The following BTBD9 variants were observed in gnomAD, a reference collection of about 807,000 sequenced individuals.
BTBD9 encodes BTB/POZ domain-containing protein 9.
In BTBD9, 49 loss-of-function variants were observed where a neutral mutation model predicts 64.3. The observed-to-expected ratio is 0.76, with a 90% CI of 0.61 to 0.97. The LOEUF (loss-of-function observed/expected upper bound fraction) is 0.97, where lower values mean the gene tolerates loss of function less well. Among genes scored for constraint, BTBD9 ranks in the 50% least tolerant of loss-of-function variants. BTBD9 has a pLI of 0.00. For synonymous variants in BTBD9, 260 were observed against 274.7 expected (o/e 0.95, Z 0.53); for missense variants, 598 against 762.1 (o/e 0.78, Z 2.53).
intron 9 of BTBD9, among the ~76,000 whole-genome samples, chr6:38,218,611 C>A (rs1763091239): frequency 6.6e-6 from 1 of 152,172 alleles, no homozygotes. Flanking sequence ...GTAGGTGTGG[C>A]CCATGTCCAG....
rs146777588 is a variant in BTBD9 at position 38,315,451 on chromosome 6, G to A, written c.1265-26990C>T. Among the ~76,000 whole-genome samples, 184 of 151,224 alleles carry A rather than the reference G, an allele frequency of 1.2e-3. 1 individual carries two copies. Among genetic ancestry groups the A allele is most frequent in the African/African-American group, 4.0e-3 (167 of 41,278 alleles). On this transcript the variant is annotated intron_variant, in intron 7 of 10. Coordinates refer to ENST00000481247, the MANE Select transcript of BTBD9 (RefSeq NM_001099272.2). ...AAACTTCTCTTTTAGTACCGCTTTCGCTGTATCCCACAGTTTTGGTTTTTT... is the reference window on the plus strand; with the variant it reads ...AAACTTCTCTTTTAGTACCGCTTTCACTGTATCCCACAGTTTTGGTTTTTT...
chr6:38,448,708 G>T (rs927712619), intron 6 of BTBD9, among the ~76,000 whole-genome samples: 2 of 152,148 alleles, frequency 1.3e-5, no homozygotes, highest in Non-Finnish European at 2.9e-5. Flanking sequence ...AGTAGAGACG[G>T]GGTTTTGCCA....
intron 6 of BTBD9, among the ~76,000 whole-genome samples, chr6:38,536,955 A>G (rs1774046404): frequency 6.6e-6 from 1 of 152,134 alleles, no homozygotes; most frequent in African/African-American, 2.4e-5. Context: ...ACATTTTAAA[A>G]TGGCTAAAAG....
intron 6 of BTBD9, among the ~76,000 whole-genome samples, chr6:38,358,378 T>G (rs913705107): frequency 1.3e-5 from 2 of 152,178 alleles, no homozygotes; most frequent in Non-Finnish European, 1.5e-5. Context: ...GTGGATCCCC[T>G]GTAGGCTTCC....
chr6:38,200,502 C>A (rs561852602), intron 9 of BTBD9, among the ~76,000 whole-genome samples: 52 of 151,884 alleles, frequency 3.4e-4, no homozygotes, highest in African/African-American at 1.2e-3. Flanking sequence ...AAAAGATAAA[C>A]AAAATTGATA....
chr6:38,376,713 G>A (rs944169316), intron 6 of BTBD9, among the ~76,000 whole-genome samples: 1 of 152,148 alleles, frequency 6.6e-6, no homozygotes, highest in African/African-American at 2.4e-5. Flanking sequence ...GAAAACTGGA[G>A]ACAAGCTGAT....
chr6:38,585,244 T>C (rs1461278162), intron 4 of BTBD9, among the ~76,000 whole-genome samples: 1 of 152,186 alleles, frequency 6.6e-6, no homozygotes, highest in African/African-American at 2.4e-5. Flanking sequence ...CAATAAACTA[T>C]AGTTGGGAAG....
At chr6:38,505,607 C>T (rs577283496) in intron 6 of BTBD9, among the ~76,000 whole-genome samples, 1 of 150,900 alleles carries the variant, frequency 6.6e-6, no homozygotes, top group East Asian at 2.0e-4. Context: ...CTGAGCGACA[C>T]AGCGAGACTC....
At chr6:38,570,133 G>A (rs1158987496) in intron 6 of BTBD9, among the ~76,000 whole-genome samples, 2 of 152,082 alleles carry the variant, frequency 1.3e-5, no homozygotes, top group Non-Finnish European at 1.5e-5. Flanking sequence ...AAATATCCCC[G>A]GTTGTTCATC....
At chr6:38,326,500 G>GT (rs1409843438) in intron 7 of BTBD9, among the ~76,000 whole-genome samples, 1 of 152,188 alleles carries the variant, frequency 6.6e-6, no homozygotes, top group Non-Finnish European at 1.5e-5. Flanking sequence ...CATGAGACCA[G>GT]TAAGTAGACA....
At chr6:38,304,161 C>T (rs6901321) in intron 7 of BTBD9, among the ~76,000 whole-genome samples, 5,139 of 151,344 alleles carry the variant, frequency 0.034, 163 homozygotes, top group East Asian at 0.083. Context: ...TGAAATCTAC[C>T]CCAAGTCCTA....
chr6:38,211,167 C>T (rs992225520), intron 9 of BTBD9, among the ~76,000 whole-genome samples: 7 of 152,192 alleles, frequency 4.6e-5, no homozygotes, highest in African/African-American at 1.7e-4. Flanking sequence ...CGGTGGCTCA[C>T]GCCTGTAATC....
chr6:38,204,064 G>T (rs1762555625), intron 9 of BTBD9, among the ~76,000 whole-genome samples: 1 of 151,946 alleles, frequency 6.6e-6, no homozygotes, highest in African/African-American at 2.4e-5. Context: ...ATTAAAAAAA[G>T]ATAACAGCAA....
Position 38,523,272 on chromosome 6 carries a change from T to TACCC in BTBD9, c.1154+54324_1154+54327dup, listed in dbSNP as rs1394965326. ...CTCTTCTTCTCCATTTTTACTGTACTACCCCAGTCTAGCCCTGTGCTATAA... is the reference window on the plus strand; with the variant it reads ...CTCTTCTTCTCCATTTTTACTGTACTACCCACCCCAGTCTAGCCCTGTGCTATAA... On this transcript the variant is annotated intron_variant, in intron 6 of 10. Coordinates refer to ENST00000481247, the MANE Select transcript of BTBD9 (RefSeq NM_001099272.2). Among the ~76,000 whole-genome samples, 3 of 152,256 alleles carry TACCC rather than the reference T, an allele frequency of 2.0e-5. No homozygotes were observed. In the East Asian group the frequency reaches 5.8e-4, roughly 29 times the overall value.
At chr6:38,531,734 C>G (rs1773808527) in intron 6 of BTBD9, among the ~76,000 whole-genome samples, 1 of 152,152 alleles carries the variant, frequency 6.6e-6, no homozygotes, top group Non-Finnish European at 1.5e-5. Flanking sequence ...TATTAGTTTT[C>G]TCTATGTTTG....
intron 6 of BTBD9, among the ~76,000 whole-genome samples, chr6:38,375,897 A>AAG (rs1161745757): frequency 3.6e-5 from 4 of 111,394 alleles, no homozygotes; most frequent in Non-Finnish European, 6.8e-5. Context: ...AAAGAAAAGA[A>AAG]AGAAAGAAAG....
chr6:38,494,432 A>AGAAGACCT (rs1771851402), intron 6 of BTBD9, among the ~76,000 whole-genome samples: 1 of 152,242 alleles, frequency 6.6e-6, no homozygotes, highest in South Asian at 2.1e-4. Context: ...AGACAACTGC[A>AGAAGACCT]ATGAGAGGGA....
At chr6:38,428,764 G>A (rs1768298665) in intron 6 of BTBD9, among the ~76,000 whole-genome samples, 1 of 149,576 alleles carries the variant, frequency 6.7e-6, no homozygotes, top group Admixed American at 6.6e-5. Context: ...CCAGGCTGGA[G>A]TGCAGTGGCG....
chr6:38,620,019 G>T (rs768670499), intron 1 of BTBD9, among the ~76,000 whole-genome samples: 1 of 152,150 alleles, frequency 6.6e-6, no homozygotes, highest in Non-Finnish European at 1.5e-5. Context: ...AAAAATGCCT[G>T]CCCAGTCCAA....
Sources: allele counts gnomAD v4.1 joint callset (sites outside exome capture counted in the v4.1 genomes callset), GRCh38; gene constraint gnomAD v4.1.1; transcripts MANE v1.5; gene names NCBI Gene and HGNC (gene_info 2026-07-23, HGNC 2026-07-21).